TENM3: variants seen among roughly 807,000 people sequenced by gnomAD.
TENM3 encodes teneurin-3.
Under a neutral mutation model 255.1 loss-of-function variants are expected in TENM3, and 63 were observed. The ratio of observed to expected loss-of-function variants is 0.25; its 90% CI spans 0.20 to 0.30. TENM3 has a LOEUF of 0.30. Among genes scored for constraint, TENM3 ranks in the 10% least tolerant of loss-of-function variants. The pLI is 1.00. For missense variants in TENM3, 2,929 were observed against 3,461.1 expected (o/e 0.85, Z 3.86); for synonymous variants, 1,306 against 1,322.3 (o/e 0.99, Z 0.27).
In TENM3 at chr4:182,730,031, GAATT is replaced by G. The variant is rs1760563824; in HGVS notation, c.2586-166_2586-163del. On this transcript the variant is annotated intron_variant, in intron 14 of 27. Transcript: ENST00000511685. ...CCCTTTAGAGAATATGCGTTACACTGAATTAAAAGGGACATTGTCTTGGGAGTAT... is the reference window on the plus strand; with the variant it reads ...CCCTTTAGAGAATATGCGTTACACTGAAAAGGGACATTGTCTTGGGAGTAT... 2.0e-5 allele frequency among the ~76,000 whole-genome samples: 3 copies of G among 152,172 alleles called. No homozygotes were observed. The South Asian group carries it at 6.2e-4, about 31-fold the overall frequency.
chr4:181,865,117 T>G, the TENM3 span, among the ~76,000 whole-genome samples: 2 of 152,204 alleles, frequency 1.3e-5, no homozygotes, highest in Non-Finnish European at 2.9e-5. Context: ...TCTTTGGAGC[T>G]TACAGATAGA....
chr4:182,492,713 A>G (rs1318628105), intron 3 of TENM3, among the ~76,000 whole-genome samples: 2 of 152,196 alleles, frequency 1.3e-5, no homozygotes, highest in Non-Finnish European at 2.9e-5. Context: ...GTTTTGCTCG[A>G]TGACTGCTGA....
the TENM3 span, among the ~76,000 whole-genome samples, chr4:181,923,494 G>A: frequency 3.3e-5 from 5 of 152,038 alleles, no homozygotes; most frequent in African/African-American, 4.8e-5. Flanking sequence ...TGAACATAGA[G>A]AATAAAAATA....
the TENM3 span, among the ~76,000 whole-genome samples, chr4:181,547,906 C>A: frequency 1.3e-5 from 2 of 151,692 alleles, no homozygotes; most frequent in African/African-American, 4.8e-5. Context: ...TGTGCTGCAC[C>A]CATTAACTCG....
chr4:181,720,158 C>A, the TENM3 span, among the ~76,000 whole-genome samples: 6 of 152,276 alleles, frequency 3.9e-5, no homozygotes, highest in South Asian at 1.2e-3. Flanking sequence ...GTATTTCATT[C>A]TTTTTCTCCT....
the TENM3 span, among the ~76,000 whole-genome samples, chr4:182,066,367 C>T: frequency 2.6e-5 from 4 of 152,038 alleles, no homozygotes; most frequent in Non-Finnish European, 5.9e-5. Context: ...AAAGAAAATA[C>T]TCAGTCTGTA....
At chr4:181,563,865 C>T in the TENM3 span, among the ~76,000 whole-genome samples, 1 of 152,040 alleles carries the variant, frequency 6.6e-6, no homozygotes, top group African/African-American at 2.4e-5. Flanking sequence ...ATACAGTAGA[C>T]CAACAGGGTC....
chr4:181,841,114 G>A, the TENM3 span, among the ~76,000 whole-genome samples: 67 of 152,140 alleles, frequency 4.4e-4, no homozygotes, highest in African/African-American at 1.6e-3. Context: ...ATTCTTATGG[G>A]ATGTAGATAT....
the TENM3 span, among the ~76,000 whole-genome samples, chr4:181,616,611 A>G: frequency 7.2e-5 from 11 of 152,028 alleles, no homozygotes; most frequent in Admixed American, 5.9e-4. Context: ...AAGTTTTACA[A>G]TAGGCCGTCT....
chr4:182,365,837 A>T (rs1048852004), intron 3 of TENM3, among the ~76,000 whole-genome samples: 3 of 152,192 alleles, frequency 2.0e-5, no homozygotes. Flanking sequence ...GGTATAGCCC[A>T]CTATATCTAG....
the TENM3 span, among the ~76,000 whole-genome samples, chr4:181,916,386 G>T: frequency 6.6e-6 from 1 of 151,994 alleles, no homozygotes; most frequent in South Asian, 2.1e-4. Flanking sequence ...ACGTAAAACC[G>T]GCTAATAAAC....
chr4:182,236,122 C>A (rs568428096), intron 1 of TENM3, among the ~76,000 whole-genome samples: 3 of 152,232 alleles, frequency 2.0e-5, no homozygotes, highest in South Asian at 2.1e-4. Flanking sequence ...TCTAACCAAC[C>A]AAAAGCTTCA....
At chr4:182,250,858 G>T (rs1436781244) in intron 1 of TENM3, among the ~76,000 whole-genome samples, 1 of 152,164 alleles carries the variant, frequency 6.6e-6, no homozygotes, top group African/African-American at 2.4e-5. Flanking sequence ...AATTGATAAG[G>T]TCTCCCGCAC....
chr4:181,700,903 AT>A, the TENM3 span, among the ~76,000 whole-genome samples: 3 of 152,190 alleles, frequency 2.0e-5, no homozygotes, highest in African/African-American at 4.8e-5. Context: ...TTCGATTTCA[AT>A]TTTTTAATTT....
the TENM3 span, among the ~76,000 whole-genome samples, chr4:181,795,937 A>C: frequency 6.6e-6 from 1 of 152,210 alleles, no homozygotes; most frequent in Non-Finnish European, 1.5e-5. Context: ...ACAGAAGCAG[A>C]GAGACTCAGT....
At chr4:181,558,066 T>A in the TENM3 span, among the ~76,000 whole-genome samples, 13 of 152,196 alleles carry the variant, frequency 8.5e-5, 1 homozygote, top group Admixed American at 8.5e-4. Flanking sequence ...AGTTGGGAGA[T>A]GTGACCCTCT....
At chr4:181,948,564 C>T in the TENM3 span, among the ~76,000 whole-genome samples, 28 of 152,092 alleles carry the variant, frequency 1.8e-4, no homozygotes, top group Non-Finnish European at 2.4e-4. Flanking sequence ...TACAGGTGCA[C>T]GCCACCATGC....
the TENM3 span, among the ~76,000 whole-genome samples, chr4:181,532,325 C>A: frequency 6.6e-6 from 1 of 152,042 alleles, no homozygotes; most frequent in Non-Finnish European, 1.5e-5. Context: ...AGGATTAGGA[C>A]CCTGCCAGAT....
chr4:182,173,262 A>C (rs1752226017), intron 1 of TENM3, among the ~76,000 whole-genome samples: 1 of 152,232 alleles, frequency 6.6e-6, no homozygotes, highest in African/African-American at 2.4e-5. Context: ...TGATCAAGAC[A>C]GACCTTGGCT....
Sources: gnomAD v4.1 joint callset for allele counts (sites outside exome capture counted in the v4.1 genomes callset) on GRCh38, gnomAD v4.1.1 for gene constraint, MANE v1.5 for transcripts, NCBI Gene and HGNC (gene_info 2026-07-23, HGNC 2026-07-21) for gene names.